Variants in ARHGAP5 observed in about 807,000 individuals in gnomAD.
ARHGAP5 encodes the protein Rho GTPase activating protein 5.
Under a neutral mutation model 116.6 loss-of-function variants are expected in ARHGAP5, and 23 were observed. That is an observed-to-expected ratio of 0.20 (90% CI 0.14 to 0.28). The LOEUF (loss-of-function observed/expected upper bound fraction) is 0.28, where lower values mean the gene tolerates loss of function less well. ARHGAP5 is among the 10% of genes least tolerant of loss of function. The pLI is 1.00. For synonymous variants in ARHGAP5, 574 were observed against 602.0 expected (o/e 0.95, Z 0.68); for missense variants, 1,405 against 1,774.8 (o/e 0.79, Z 3.74).
Position 32,106,126 on chromosome 14 carries a change from T to C in ARHGAP5, c.3718-11014T>C, listed in dbSNP as rs142693239. The stretch of plus-strand genomic sequence containing the variant: ...TTTCCAGAATGGGTATACTATTTTA[T>C]TTATTTATTTATTGAGATGGAGTCT... On this transcript the variant is annotated intron_variant, in intron 2 of 6. Transcript: ENST00000345122. 8.9e-4 allele frequency among the ~76,000 whole-genome samples: 135 copies of C among 152,268 alleles called. 1 individual carries two copies. Among genetic ancestry groups the C allele is most frequent in the African/African-American group, 2.9e-3 (122 of 41,552 alleles).
intron 1 of ARHGAP5, among the ~76,000 whole-genome samples, chr14:32,081,548 C>CAAAAAAAAA (rs529516365): frequency 2.0e-5 from 1 of 48,886 alleles, no homozygotes; most frequent in African/African-American, 6.7e-5. Context: ...GACTCCTTCT[C>CAAAAAAAAA]AAAAAAAAAA....
intron 2 of ARHGAP5, among the ~76,000 whole-genome samples, chr14:32,114,841 T>G (rs978886941): frequency 3.3e-5 from 5 of 152,204 alleles, no homozygotes; most frequent in Admixed American, 3.3e-4. Context: ...GAAACTAAGA[T>G]GAAGACTATT....
chr14:32,089,614 CAG>C (rs1194441837), intron 1 of ARHGAP5, among the ~76,000 whole-genome samples: 5 of 151,838 alleles, frequency 3.3e-5, no homozygotes, highest in African/African-American at 1.2e-4. Flanking sequence ...AAGATTGTCT[CAG>C]ATATATCATT....
rs1878280126 is a variant in ARHGAP5, at chr14:32,092,047, G to A, written c.1378G>A (p.Asp460Asn). 1 of 1,613,726 alleles carries A rather than the reference G, an allele frequency of 6.2e-7. No individual in the cohort carries two copies. The highest frequency in any genetic ancestry group is 8.5e-7 in the Non-Finnish European group (1 of 1,179,766). Residue 460 changes from aspartate to asparagine, a missense_variant, in exon 2 of 7, where the codon GAT becomes AAT. Physicochemically the swap from Asp to Asn is conservative, Grantham distance 23 (BLOSUM62 1). Transcript: ENST00000345122. This position sits in a 1 kb window ranked among gnomAD's most constrained non-coding sequence, Gnocchi z 4.1. ...GGAAGTTATGTGCTTTGTTATGGAG[G>A]ATGAAGCCTACAAATATATCACTGA... is the stretch of plus-strand genomic sequence containing the variant. ...WEEVMCFVMEDEAYKYITEAD... is the reference protein window; with the variant it reads ...WEEVMCFVMENEAYKYITEAD...
chr14:32,153,039 A>G (rs1881713245), intron 6 of ARHGAP5, among the ~76,000 whole-genome samples: 1 of 137,384 alleles, frequency 7.3e-6, no homozygotes, highest in South Asian at 2.4e-4. Flanking sequence ...AATGAACTGT[A>G]TGGTTTTTTT....
rs769066633 is a variant in ARHGAP5, at chr14:32,092,792, G to C, written c.2123G>C (p.Ser708Thr). 1.1e-5 allele frequency: 18 copies of C among 1,613,958 alleles called. No individual in the cohort carries two copies. The East Asian group carries it at 3.8e-4, about 34-fold the overall frequency. The change falls in exon 2 of 7, where the codon AGT (serine) becomes ACT (threonine). Residue 708 changes from serine to threonine, a missense_variant. This residue lies in a region of ARHGAP5 where 944 missense variants were observed against 1,095.3 expected (regional missense o/e 0.86). Transcript: ENST00000345122. The surrounding 1 kb of genome is among the most constrained non-coding windows in gnomAD (Gnocchi z 4.1). ...CTGGCTAATCAGAGAGATTCCATTA[G>C]TAAGAATCTACCAATTCTCAGGCAC... ...LILANQRDSI[S>T]KNLPILRHQG...
Position 32,113,825 on chromosome 14 carries a change from AGTTT to A in ARHGAP5, c.3718-3310_3718-3307del, listed in dbSNP as rs1879425839. Among the ~76,000 whole-genome samples the A allele has an allele frequency of 3.3e-5, 5 of 152,358 alleles. No individual in the cohort carries two copies. The South Asian group carries it at 1.0e-3, about 32-fold the overall frequency. ...TTGGAACATTTAGAGTTGGCTAGCT[AGTTT>A]GTTTTTCTTAAAACTTTATATTCCT... On this transcript the variant is annotated intron_variant, in intron 2 of 6. Transcript: ENST00000345122.
chr14:32,153,972 T>C (rs1881777100), intron 6 of ARHGAP5: 2 of 152,026 alleles, frequency 1.3e-5, no homozygotes, highest in African/African-American at 2.4e-5. Flanking sequence ...AAAATTAGCC[T>C]GATATTAGTG....
At position 32,094,219 on chromosome 14, in the gene ARHGAP5, T is replaced by A. The variant is rs1181621672; in HGVS notation, c.3550T>A (p.Ser1184Thr). The A allele has an allele frequency of 6.2e-7, 1 of 1,612,938 alleles. No individual in the cohort carries two copies. The highest frequency in any genetic ancestry group is 8.5e-7 in the Non-Finnish European group (1 of 1,179,834). ...DASDDEAFTT[S>T]KTKRKGRHRG... ...CAGTGATGATGAGGCTTTCACCACT[T>A]CTAAAACAAAAAGAAAAGGAAGACA... The change falls in exon 2 of 7, where the codon TCT (serine) becomes ACT (threonine). Residue 1184 changes from serine to threonine, a missense_variant. Coordinates refer to ENST00000345122, the MANE Select transcript of ARHGAP5 (RefSeq NM_001030055.2).
At chr14:32,139,611 T>C (rs1880989260) in intron 3 of ARHGAP5, among the ~76,000 whole-genome samples, 1 of 152,008 alleles carries the variant, frequency 6.6e-6, no homozygotes, top group Non-Finnish European at 1.5e-5. Flanking sequence ...CCTTGGTAAA[T>C]CTAGCTAAAG....
At chr14:32,151,148 A>G (rs191435914) in intron 5 of ARHGAP5, among the ~76,000 whole-genome samples, 59 of 152,290 alleles carry the variant, frequency 3.9e-4, no homozygotes, top group African/African-American at 1.3e-3. Context: ...GGCTTAATTG[A>G]TAGCTTAGAT....
intron 2 of ARHGAP5, among the ~76,000 whole-genome samples, chr14:32,105,938 C>T (rs899626279): frequency 3.3e-5 from 5 of 152,128 alleles, no homozygotes; most frequent in East Asian, 1.9e-4. Context: ...CAAGTTGTTG[C>T]GTGCATCAAC....
Position 32,092,773 on chromosome 14 carries a change from A to G in ARHGAP5, c.2104A>G (p.Asn702Asp). The stretch of plus-strand genomic sequence containing the variant: ...TCTTCCATTTACATTAATTCTGGCT[A>G]ATCAGAGAGATTCCATTAGTAAGAA... ...ANLPFTLILA[N>D]QRDSISKNLP... The change falls in exon 2 of 7, where the codon AAT becomes GAT. Residue 702 changes from asparagine (N) to aspartate (D), a missense_variant. Coordinates refer to ENST00000345122, the MANE Select transcript of ARHGAP5 (RefSeq NM_001030055.2). This position sits in a 1 kb window ranked among gnomAD's most constrained non-coding sequence, Gnocchi z 4.1. The G allele has an allele frequency of 1.2e-6, 2 of 1,614,012 alleles. No homozygotes were observed. Among genetic ancestry groups the G allele is most frequent in the Non-Finnish European group, 1.7e-6 (2 of 1,179,910 alleles).
At chr14:32,138,511 T>G (rs1054386316) in intron 3 of ARHGAP5, among the ~76,000 whole-genome samples, 1 of 152,190 alleles carries the variant, frequency 6.6e-6, no homozygotes. Flanking sequence ...CTCAGACTCC[T>G]GAGCTCAGGT....
rs1218260372 is a variant in ARHGAP5, at chr14:32,155,638, T to C, written c.*690T>C. The C allele has an allele frequency of 6.6e-6, 1 of 152,656 alleles. No homozygotes were observed. Among genetic ancestry groups the C allele is most frequent in the Non-Finnish European group, 1.5e-5 (1 of 68,026 alleles). The allele number at this position is 152,656 out of a possible 1,614,324, so 9.5% of individuals were successfully genotyped here. The stretch of plus-strand genomic sequence containing the variant: ...GTTGATAATGTTGTGCAAAGGATAG[T>C]TGTCACCAACTCATTTCTTTATGGT... On this transcript the variant is annotated 3_prime_UTR_variant, in exon 7 of 7. Coordinates refer to ENST00000345122, the MANE Select transcript of ARHGAP5 (RefSeq NM_001030055.2).
At chr14:32,143,272 T>C (rs1881221378) in intron 3 of ARHGAP5, among the ~76,000 whole-genome samples, 1 of 151,016 alleles carries the variant, frequency 6.6e-6, no homozygotes, top group Non-Finnish European at 1.5e-5. Flanking sequence ...AGACGGAGAC[T>C]TGCTCTTTCG....
chr14:32,151,746 C>A (rs1023613545), intron 5 of ARHGAP5, among the ~76,000 whole-genome samples: 5 of 152,184 alleles, frequency 3.3e-5, no homozygotes, highest in Admixed American at 1.3e-4. Flanking sequence ...AAGAGCCTAA[C>A]ATATTTATAA....
At chr14:32,132,837 T>C (rs1880576721) in intron 3 of ARHGAP5, among the ~76,000 whole-genome samples, 1 of 152,336 alleles carries the variant, frequency 6.6e-6, no homozygotes, top group African/African-American at 2.4e-5. Context: ...ATTTATTAAA[T>C]AGGGAATCCT....
intron 2 of ARHGAP5, among the ~76,000 whole-genome samples, chr14:32,097,547 T>G (rs183509997): frequency 1.3e-5 from 2 of 152,220 alleles, no homozygotes; most frequent in Admixed American, 6.5e-5. Context: ...GGAAATACAT[T>G]CCCTTTTTAA....
Sources: gnomAD v4.1 joint callset for allele counts (sites outside exome capture counted in the v4.1 genomes callset) on GRCh38, gnomAD v4.1.1 for gene constraint, gnomAD v4.1.1 regional missense constraint, Gnocchi (gnomAD v3.1) non-coding constraint, MANE v1.5 for transcripts, NCBI Gene and HGNC (gene_info 2026-07-23, HGNC 2026-07-21) for gene names.